The following CFAP206 variants were observed in gnomAD, a reference collection of about 807,000 sequenced individuals.
CFAP206 encodes the protein cilia and flagella associated protein 206, also known as cilia- and flagella-associated protein 206.
CFAP206 carries 53 observed loss-of-function variants against 65.4 expected under a neutral mutation model. The observed-to-expected ratio is 0.81, with a 90% CI of 0.65 to 1.02. The LOEUF is 1.02. Ranked by LOEUF, CFAP206 falls within the 50% of genes least tolerant of loss-of-function variation. The pLI is 0.00. For missense variants in CFAP206, 663 were observed against 753.2 expected (o/e 0.88, Z 1.40); for synonymous variants, 250 against 254.4 (o/e 0.98, Z 0.17).
At chr6:87,430,159 C>T (rs1768131863) in intron 9 of CFAP206, among the ~76,000 whole-genome samples, 1 of 152,138 alleles carries the variant, frequency 6.6e-6, no homozygotes, top group Non-Finnish European at 1.5e-5. Flanking sequence ...CACATATTGT[C>T]ATTGTTAGAG....
At chr6:87,425,552 A>T (rs1465043700) in intron 7 of CFAP206, among the ~76,000 whole-genome samples, 1 of 152,218 alleles carries the variant, frequency 6.6e-6, no homozygotes, top group East Asian at 1.9e-4. Flanking sequence ...ACTTTAACTT[A>T]TTATGTGTGA....
chr6:87,425,677 T>G (rs966771715), intron 7 of CFAP206: 2 of 152,202 alleles, frequency 1.3e-5, no homozygotes, highest in African/African-American at 4.8e-5. Context: ...AAACTTTGTG[T>G]TTCTCCATCT....
intron 2 of CFAP206, among the ~76,000 whole-genome samples, 200 bp from the exon 3 acceptor site, chr6:87,410,385 G>A (rs778015343): frequency 2.6e-5 from 4 of 152,160 alleles, no homozygotes; most frequent in Non-Finnish European, 5.9e-5. Context: ...ATTCAAGTTT[G>A]ATGTTTGTTG....
chr6:87,455,841 A>C (rs1198947817), intron 11 of CFAP206, among the ~76,000 whole-genome samples: 1 of 152,222 alleles, frequency 6.6e-6, no homozygotes. Flanking sequence ...ATCAATAACA[A>C]GTAAGGAGAT....
At chr6:87,460,070 T>G (rs1212700507) in intron 11 of CFAP206, among the ~76,000 whole-genome samples, 1 of 152,222 alleles carries the variant, frequency 6.6e-6, no homozygotes, top group Non-Finnish European at 1.5e-5. Flanking sequence ...GATAATTTTA[T>G]AGTCAGAAAT....
At chr6:87,444,900 G>C in intron 11 of CFAP206, 1 of 541,300 alleles carries the variant, frequency 1.8e-6, no homozygotes, top group Non-Finnish European at 3.6e-6. Flanking sequence ...AAAAGCGCTT[G>C]TAAGGCTCAC....
chr6:87,448,708 A>G (rs1249251924), intron 11 of CFAP206, among the ~76,000 whole-genome samples: 1 of 152,090 alleles, frequency 6.6e-6, no homozygotes, highest in East Asian at 1.9e-4. Flanking sequence ...TTATATGGGC[A>G]TGATCTATGG....
rs1484732475 is a variant in CFAP206, at chr6:87,413,870, G to C, written c.253G>C (p.Val85Leu). The C allele has an allele frequency of 3.2e-6, 5 of 1,551,828 alleles. No homozygotes were observed. Among genetic ancestry groups the C allele is most frequent in the Non-Finnish European group, 3.5e-6 (4 of 1,157,962 alleles). Residue 85 changes from valine to leucine, a missense_variant, in exon 4 of 13, where the codon GTC becomes CTC. Physicochemically the swap from Val to Leu is conservative, Grantham distance 32 (BLOSUM62 1). Coordinates refer to ENST00000369562, the MANE Select transcript of CFAP206 (RefSeq NM_001031743.3). ...NPSLDTIKMQVYFDMNYTNRV... is the reference protein window; with the variant it reads ...NPSLDTIKMQLYFDMNYTNRV... The stretch of plus-strand genomic sequence containing the variant: ...ATCCCTGGACACTATTAAGATGCAA[G>C]TCTACTTCGATATGAATTATACGAA...
chr6:87,437,822 C>A (rs1768299705), intron 11 of CFAP206, among the ~76,000 whole-genome samples: 1 of 132,422 alleles, frequency 7.6e-6, no homozygotes. Context: ...CCATGCCTGG[C>A]TAATTTTTTT....
At chr6:87,421,551 C>A (rs1031174637) in intron 7 of CFAP206, among the ~76,000 whole-genome samples, 6 of 152,032 alleles carry the variant, frequency 3.9e-5, no homozygotes, top group African/African-American at 4.8e-5. Context: ...TTTAATCAGG[C>A]CTTTATCTTC....
At chr6:87,419,842 G>A (rs1301671250) in intron 7 of CFAP206, among the ~76,000 whole-genome samples, 1 of 152,156 alleles carries the variant, frequency 6.6e-6, no homozygotes, top group African/African-American at 2.4e-5. Context: ...CTAGCTGGGA[G>A]GCTGAGGTTA....
At chr6:87,410,298 A>G (rs1332198828) in intron 2 of CFAP206, among the ~76,000 whole-genome samples, 1 of 152,214 alleles carries the variant, frequency 6.6e-6, no homozygotes, top group African/African-American at 2.4e-5. Context: ...AATACAATAA[A>G]ATATGCCATA....
In CFAP206 at chr6:87,429,260, A is replaced by G. The variant is rs541631064; in HGVS notation, c.1159+436A>G. Among the ~76,000 whole-genome samples the G allele has an allele frequency of 5.6e-4, 85 of 151,456 alleles. 2 individuals carry two copies. The highest frequency in any genetic ancestry group is 1.3e-4 in the Non-Finnish European group (9 of 67,880). ...AAAAAAAAAAAAAGCACTAATGTTT[A>G]TGAGAGGAGATGTGGAAAACAGAAA... On this transcript the variant is annotated intron_variant, in intron 9 of 12. Coordinates refer to ENST00000369562, the MANE Select transcript of CFAP206 (RefSeq NM_001031743.3).
chr6:87,428,635 A>G lies in CFAP206; in HGVS notation c.970A>G (p.Ile324Val), dbSNP rs1481784311. The change falls in exon 9 of 13, where the codon ATT (isoleucine) becomes GTT (valine). Residue 324 changes from isoleucine (I) to valine (V), a missense_variant. By Grantham distance (29) the Ile-to-Val change is conservative. Coordinates refer to ENST00000369562, the MANE Select transcript of CFAP206 (RefSeq NM_001031743.3). ...VPTSQVFPIF[I>V]ALSTLWTSLQ... ...TTTTTCTCTTCCTCAGCCTATCTTC[A>G]TTGCACTTTCTACTCTGTGGACCAG... 1.9e-6 allele frequency: 3 copies of G among 1,614,024 alleles called. No homozygotes were observed. The highest frequency in any genetic ancestry group is 2.5e-6 in the Non-Finnish European group (3 of 1,179,974).
intron 11 of CFAP206, among the ~76,000 whole-genome samples, chr6:87,440,778 G>A (rs1456954829): frequency 1.3e-5 from 2 of 152,176 alleles, no homozygotes; most frequent in Non-Finnish European, 2.9e-5. Context: ...GCTGAGGCCA[G>A]CATCTAATGA....
At position 87,417,990 on chromosome 6, in the gene CFAP206, G is replaced by A. The variant is rs541995858; in HGVS notation, c.632-218G>A. Among the ~76,000 whole-genome samples, 5 of 151,738 alleles carry A rather than the reference G, an allele frequency of 3.3e-5. No individual in the cohort carries two copies. The South Asian group carries it at 1.0e-3, about 32-fold the overall frequency. On this transcript the variant is annotated intron_variant, in intron 6 of 12. Coordinates refer to ENST00000369562, the MANE Select transcript of CFAP206 (RefSeq NM_001031743.3). ...CTTGACCTCGTGATCCGCCCGCCTC[G>A]GCCTCCCAAAGTGCTAGGATTACAG...
intron 5 of CFAP206, 85 bp from the exon 6 acceptor site, chr6:87,416,584 G>C: frequency 8.0e-7 from 1 of 1,245,118 alleles, no homozygotes; most frequent in Non-Finnish European, 1.1e-6. Context: ...CCCTTAACTT[G>C]CTGCTAAAGA....
intron 3 of CFAP206, among the ~76,000 whole-genome samples, chr6:87,412,850 G>A (rs906976786): frequency 1.3e-5 from 2 of 151,856 alleles, no homozygotes; most frequent in Non-Finnish European, 2.9e-5. Flanking sequence ...TAGTAGAGAC[G>A]GGTTTCACCA....
intron 10 of CFAP206, among the ~76,000 whole-genome samples, chr6:87,433,569 G>A (rs1768197208): frequency 1.3e-5 from 2 of 151,990 alleles, no homozygotes; most frequent in African/African-American, 4.8e-5. Context: ...CCTTGCAGTA[G>A]TTAGTTGAAG....
Sources: gnomAD v4.1 joint callset for allele counts (sites outside exome capture counted in the v4.1 genomes callset) on GRCh38, gnomAD v4.1.1 for gene constraint, MANE v1.5 for transcripts, NCBI Gene and HGNC (gene_info 2026-07-23, HGNC 2026-07-21) for gene names.